Variants in DUS2 observed in about 807,000 individuals in gnomAD.
DUS2 encodes tRNA-dihydrouridine(20) synthase [NAD(P)+]-like.
Under a neutral mutation model 71.3 loss-of-function variants are expected in DUS2, and 52 were observed. The observed-to-expected ratio is 0.73, with a 90% CI of 0.58 to 0.92. The LOEUF (loss-of-function observed/expected upper bound fraction) is 0.92, where lower values mean the gene tolerates loss of function less well. DUS2 is among the 40% of genes least tolerant of loss of function. The probability of loss-of-function intolerance (pLI) is 0.00; values close to 1 mark genes in which losing one functional copy is unlikely to be tolerated. For synonymous variants in DUS2, 204 were observed against 227.8 expected (o/e 0.90, Z 0.94); for missense variants, 558 against 622.6 (o/e 0.90, Z 1.10).
intron 3 of DUS2, among the ~76,000 whole-genome samples, chr16:68,041,433 T>G (rs1003932582): frequency 1.3e-5 from 2 of 152,138 alleles, no homozygotes; most frequent in Non-Finnish European, 2.9e-5. Context: ...ACTGACCTGT[T>G]AGACTTAAAC....
chr16:68,074,230 C>T lies in DUS2; in HGVS notation c.932+75C>T. The stretch of plus-strand genomic sequence containing the variant: ...TTTGACTTTGAGCCCTAAGCTGACT[C>T]CACCAGGGGACCAGGGACACAGCTT... On this transcript the variant is annotated intron_variant, in intron 13 of 16. Transcript: ENST00000565263. 3 of 1,571,456 alleles carry T rather than the reference C, an allele frequency of 1.9e-6. 1 individual carries two copies. In the South Asian group the frequency reaches 3.4e-5, roughly 18 times the overall value.
chr16:68,047,771 C>G (rs573104076), intron 3 of DUS2, among the ~76,000 whole-genome samples: 1 of 149,722 alleles, frequency 6.7e-6, no homozygotes, highest in Non-Finnish European at 1.5e-5. Context: ...ACATGAGCCA[C>G]CGTGCTGGCG....
At position 68,075,394 on chromosome 16, in the gene DUS2, A is replaced by C; in HGVS notation, c.972A>C (p.Thr324=). ...FGLGAFYEET[T]QELDAQQARL... ...TTGGTGCCTTCTATGAGGAGACCAC[A>C]CAGGAGCTGGATGCCCAGCAGGCCA... The change falls in exon 14 of 17, where the codon ACA becomes ACC. Residue 324 remains threonine (T), a synonymous_variant. Coordinates refer to ENST00000565263, the MANE Select transcript of DUS2 (RefSeq NM_017803.5). 3 of 1,613,470 alleles carry C rather than the reference A, an allele frequency of 1.9e-6. No individual in the cohort carries two copies.
chr16:68,025,258 C>G (rs1455715430), intron 1 of DUS2, 157 bp from the exon 2 acceptor site: 2 of 152,040 alleles, frequency 1.3e-5, no homozygotes, highest in African/African-American at 2.4e-5. Context: ...ATCGTTTGAA[C>G]CCGGGAGGCG....
chr16:68,060,592 G>A (rs1440304404), intron 7 of DUS2, among the ~76,000 whole-genome samples: 4 of 152,206 alleles, frequency 2.6e-5, no homozygotes, highest in Non-Finnish European at 1.5e-5. Context: ...GGAATTACAG[G>A]CGTGAGCCAC....
chr16:68,064,944 C>T (rs898343501), intron 8 of DUS2, among the ~76,000 whole-genome samples: 3 of 152,246 alleles, frequency 2.0e-5, no homozygotes, highest in African/African-American at 7.2e-5. Flanking sequence ...AGATATCCCC[C>T]TGCTCTGCTA....
intron 3 of DUS2, among the ~76,000 whole-genome samples, chr16:68,048,605 G>T (rs1000473246): frequency 2.0e-5 from 3 of 152,184 alleles, no homozygotes; most frequent in Non-Finnish European, 4.4e-5. Context: ...GGTATGCTGC[G>T]GGAAGTCCCA....
At chr16:68,038,206 TTG>T (rs2033563945) in intron 3 of DUS2, 57 bp downstream of exon 3, 3 of 1,603,352 alleles carry the variant, frequency 1.9e-6, no homozygotes, top group Non-Finnish European at 2.6e-6. Flanking sequence ...TCCTCTTCAT[TTG>T]TGTGTGGGAG....
At position 68,057,298 on chromosome 16, in the gene DUS2, A is replaced by C. The variant is rs1041897945; in HGVS notation, c.369+874A>C. On this transcript the variant is annotated intron_variant, in intron 7 of 16. Coordinates refer to ENST00000565263, the MANE Select transcript of DUS2 (RefSeq NM_017803.5). ...GAGAGAGAACTCATGCCCAAGTAAT[A>C]AAACAATGCAAAGGTACAGAGAAAA... Among the ~76,000 whole-genome samples the C allele has an allele frequency of 2.0e-5, 3 of 149,512 alleles. No homozygotes were observed. The East Asian group carries it at 5.8e-4, about 29-fold the overall frequency.
intron 3 of DUS2, among the ~76,000 whole-genome samples, chr16:68,044,276 G>A (rs2033670554): frequency 6.6e-6 from 1 of 152,090 alleles, no homozygotes; most frequent in African/African-American, 2.4e-5. Context: ...AAGGCAGCTG[G>A]GATTTTGATG....
At chr16:68,043,082 G>A (rs2033654596) in intron 3 of DUS2, among the ~76,000 whole-genome samples, 2 of 152,056 alleles carry the variant, frequency 1.3e-5, no homozygotes, top group African/African-American at 4.8e-5. Context: ...CAAACAGGTG[G>A]CCTCAAGTGA....
chr16:68,051,253 G>A (rs185011768), intron 4 of DUS2, among the ~76,000 whole-genome samples: 1 of 152,278 alleles, frequency 6.6e-6, no homozygotes. Context: ...TTTCTATAAA[G>A]TTGCTTTAAA....
chr16:68,062,129 A>G (rs1249037824), intron 8 of DUS2, among the ~76,000 whole-genome samples: 1 of 151,288 alleles, frequency 6.6e-6, no homozygotes. Flanking sequence ...TTCTGCCTCA[A>G]CCTCCTGAGT....
intron 2 of DUS2, among the ~76,000 whole-genome samples, chr16:68,035,874 C>A (rs2033511974): frequency 7.9e-6 from 1 of 126,950 alleles, no homozygotes; most frequent in African/African-American, 3.4e-5. Context: ...ACCACCACAT[C>A]CCGCTAATTT....
intron 4 of DUS2, among the ~76,000 whole-genome samples, chr16:68,052,384 T>C (rs971481355): frequency 6.6e-6 from 1 of 152,176 alleles, no homozygotes; most frequent in African/African-American, 2.4e-5. Flanking sequence ...CTCAAAACTT[T>C]CACCACTCTG....
intron 3 of DUS2, among the ~76,000 whole-genome samples, chr16:68,039,095 T>A (rs2033581683): frequency 6.6e-6 from 1 of 151,496 alleles, no homozygotes. Flanking sequence ...ATAGAGAGAA[T>A]GGAAGACTTA....
intron 8 of DUS2, among the ~76,000 whole-genome samples, chr16:68,065,133 CGTGA>C (rs1406442120): frequency 2.0e-5 from 3 of 152,154 alleles, no homozygotes; most frequent in Non-Finnish European, 4.4e-5. Context: ...CACTTTCCTG[CGTGA>C]CTTCTTGATC....
chr16:68,056,298 C>A, intron 6 of DUS2, 66 bp from the exon 7 acceptor site: 1 of 1,405,450 alleles, frequency 7.1e-7, no homozygotes, highest in Non-Finnish European at 1.0e-6. Context: ...CCCATCCATG[C>A]CTTTAATTTC....
intron 2 of DUS2, among the ~76,000 whole-genome samples, chr16:68,031,622 G>C (rs577566699): frequency 6.6e-6 from 1 of 151,860 alleles, no homozygotes; most frequent in African/African-American, 2.4e-5. Context: ...AACATGTTTG[G>C]AGGTATTTTT....
Sources: gnomAD v4.1 joint callset for allele counts (sites outside exome capture counted in the v4.1 genomes callset) on GRCh38, gnomAD v4.1.1 for gene constraint, MANE v1.5 for transcripts, NCBI Gene and HGNC (gene_info 2026-07-23, HGNC 2026-07-21) for gene names.